GALNT18: variants seen among roughly 807,000 people sequenced by gnomAD.
GALNT18 encodes the protein GalNAc-transferase 18.
A neutral mutation model predicts 69.5 loss-of-function variants in GALNT18; 44 were observed. That is an observed-to-expected ratio of 0.63 (90% confidence interval 0.50 to 0.81). The LOEUF (loss-of-function observed/expected upper bound fraction) is 0.81, where lower values mean the gene tolerates loss of function less well. GALNT18 is among the 40% of genes least tolerant of loss of function. GALNT18 has a pLI of 0.00. For synonymous variants in GALNT18, 364 were observed against 318.2 expected, an observed-to-expected ratio of 1.14 and a Z score of -1.53; for missense variants, 715 against 810.0, an observed-to-expected ratio of 0.88 and a Z score of 1.42.
chr11:11,412,748 G>A (rs1196373181), intron 3 of GALNT18, among the ~76,000 whole-genome samples: 1 of 152,210 alleles, frequency 6.6e-6, no homozygotes, highest in African/African-American at 2.4e-5. Flanking sequence ...TATCCTTGGA[G>A]CCTCCTTTCT....
intron 7 of GALNT18, among the ~76,000 whole-genome samples, chr11:11,334,000 T>A (rs1262825362): frequency 6.6e-6 from 1 of 151,906 alleles, no homozygotes; most frequent in African/African-American, 2.4e-5. Context: ...AGATGGGGCA[T>A]GTGGCATCCC....
chr11:11,288,712 C>T (rs751295440), intron 10 of GALNT18, among the ~76,000 whole-genome samples: 3 of 152,178 alleles, frequency 2.0e-5, no homozygotes, highest in Admixed American at 6.5e-5. Flanking sequence ...TTCTCAGTGT[C>T]AGTATCTAAC....
At chr11:11,560,301 A>G (rs1163571722) in intron 1 of GALNT18, among the ~76,000 whole-genome samples, 2 of 152,032 alleles carry the variant, frequency 1.3e-5, no homozygotes, top group Admixed American at 6.6e-5. Flanking sequence ...TTGGGATTCA[A>G]TAGAACAGGA....
Position 11,340,823 on chromosome 11 carries a change from T to C in GALNT18, c.1274A>G (p.Gln425Arg). 1 of 1,607,088 alleles carries C rather than the reference T, an allele frequency of 6.2e-7. No homozygotes were observed. The highest frequency in any genetic ancestry group is 2.2e-5 in the East Asian group (1 of 44,610). ...SHVYMAWNIPQEDSGIDIGDI... is the reference protein window; with the variant it reads ...SHVYMAWNIPREDSGIDIGDI... ...ATCCCTACCGGAGATCCCTACCTCC[T>C]GCGGTATGTTCCATGCCATGTAGAC... is the stretch of plus-strand genomic sequence containing the variant. The change falls in exon 7 of 11, where the codon CAG becomes CGG. Residue 425 changes from glutamine to arginine, a missense_variant. By Grantham distance (43) the Gln-to-Arg change is conservative. Transcript: ENST00000227756. The surrounding 1 kb of genome is among the most constrained non-coding windows in gnomAD (Gnocchi z 4.2).
At chr11:11,295,046 G>A (rs1286532035) in intron 9 of GALNT18, among the ~76,000 whole-genome samples, 2 of 152,222 alleles carry the variant, frequency 1.3e-5, no homozygotes, top group East Asian at 1.9e-4. Flanking sequence ...TTTAGCAAAA[G>A]AGGGTGGTTG....
intron 3 of GALNT18, among the ~76,000 whole-genome samples, chr11:11,393,538 G>A (rs1157933968): frequency 3.9e-5 from 6 of 152,278 alleles, no homozygotes; most frequent in African/African-American, 7.2e-5. Context: ...CCCAGGCCAT[G>A]TGGGCTTCCT....
chr11:11,297,744 C>G (rs963741639), intron 9 of GALNT18, among the ~76,000 whole-genome samples: 10 of 152,124 alleles, frequency 6.6e-5, no homozygotes, highest in African/African-American at 1.7e-4. Flanking sequence ...TCTTACAAAC[C>G]CCCGGGGCAG....
rs1043969794 is a variant in GALNT18, at chr11:11,555,751, G to C, written c.235+65608C>G. ...ACCTCCCTCAGCCAGAACCTCCTCAGATCAGGGGCCTCCTCAGGTAAGCCC... is the reference window on the plus strand; with the variant it reads ...ACCTCCCTCAGCCAGAACCTCCTCACATCAGGGGCCTCCTCAGGTAAGCCC... On this transcript the variant is annotated intron_variant, in intron 1 of 10. Coordinates refer to ENST00000227756, the MANE Select transcript of GALNT18 (RefSeq NM_198516.3). This position sits in a 1 kb window ranked among gnomAD's most constrained non-coding sequence, Gnocchi z 4.7. 6.6e-6 allele frequency among the ~76,000 whole-genome samples: 1 copy of C among 152,170 alleles called. No homozygotes were observed. Among genetic ancestry groups the C allele is most frequent in the Admixed American group, 6.6e-5 (1 of 15,266 alleles).
At chr11:11,293,858 T>A (rs1465838420) in intron 9 of GALNT18, among the ~76,000 whole-genome samples, 1 of 152,188 alleles carries the variant, frequency 6.6e-6, no homozygotes, top group Non-Finnish European at 1.5e-5. Flanking sequence ...ATACTGTGCT[T>A]TGTCAGAGTA....
At chr11:11,280,360 C>T (rs1849045937) in intron 10 of GALNT18, among the ~76,000 whole-genome samples, 1 of 152,266 alleles carries the variant, frequency 6.6e-6, no homozygotes, top group Admixed American at 6.5e-5. Flanking sequence ...TCTCACATGC[C>T]TAATGGCCTC....
At chr11:11,322,739 T>C (rs1849859075) in intron 9 of GALNT18, among the ~76,000 whole-genome samples, 1 of 152,196 alleles carries the variant, frequency 6.6e-6, no homozygotes, top group African/African-American at 2.4e-5. Context: ...GTTTGGCAGT[T>C]TATTAGTTGG....
chr11:11,306,223 ATG>A (rs1849575825), intron 9 of GALNT18, among the ~76,000 whole-genome samples: 1 of 137,636 alleles, frequency 7.3e-6, no homozygotes, highest in Non-Finnish European at 1.7e-5. Flanking sequence ...CTGTGTGTGC[ATG>A]TGTGTGTGTA....
intron 1 of GALNT18, among the ~76,000 whole-genome samples, chr11:11,568,036 CAG>C (rs1286999003): frequency 1.3e-5 from 2 of 152,196 alleles, no homozygotes; most frequent in African/African-American, 4.8e-5. Flanking sequence ...TTTTGGCCAA[CAG>C]AGTGTGAGCA....
intron 1 of GALNT18, among the ~76,000 whole-genome samples, chr11:11,565,075 G>T (rs531904367): frequency 6.6e-6 from 1 of 152,342 alleles, no homozygotes; most frequent in East Asian, 1.9e-4. Flanking sequence ...TGACTGGAAA[G>T]GGGCTGTGGA....
Position 11,461,076 on chromosome 11 carries a change from C to T in GALNT18, c.236-12140G>A, listed in dbSNP as rs190842396. On this transcript the variant is annotated intron_variant, in intron 1 of 10. Coordinates refer to ENST00000227756, the MANE Select transcript of GALNT18 (RefSeq NM_198516.3). This position sits in a 1 kb window ranked among gnomAD's most constrained non-coding sequence, Gnocchi z 4.1. ...GCAAAAGACCAGAGTCAGTTCAGTCCGGGCTGACATGGCAGACAAAGGACA... is the reference window on the plus strand; with the variant it reads ...GCAAAAGACCAGAGTCAGTTCAGTCTGGGCTGACATGGCAGACAAAGGACA... Among the ~76,000 whole-genome samples, 240 of 152,238 alleles carry T rather than the reference C, an allele frequency of 1.6e-3. No homozygotes were observed. The highest frequency in any genetic ancestry group is 2.7e-3 in the South Asian group (13 of 4,820).
rs1041720082 is a variant in GALNT18, at chr11:11,613,093, G to C, written c.235+8266C>G. 6.6e-6 allele frequency among the ~76,000 whole-genome samples: 1 copy of C among 152,158 alleles called. No individual in the cohort carries two copies. The highest frequency in any genetic ancestry group is 1.5e-5 in the Non-Finnish European group (1 of 68,034). On this transcript the variant is annotated intron_variant, in intron 1 of 10. Transcript: ENST00000227756. The surrounding 1 kb of genome is among the most constrained non-coding windows in gnomAD (Gnocchi z 4.2). ...AAATTGAATGTCAGGCAGTGAAAGA[G>C]AACTACATCTCAGTACTGCATCCCC...
At chr11:11,367,713 G>C (rs1850803695) in intron 6 of GALNT18, among the ~76,000 whole-genome samples, 1 of 152,176 alleles carries the variant, frequency 6.6e-6, no homozygotes, top group South Asian at 2.1e-4. Flanking sequence ...TGAATTTAAA[G>C]CATAATAAAT....
rs902473635 is a variant in GALNT18, at chr11:11,439,261, G to A, written c.429-6474C>T. Among the ~76,000 whole-genome samples, 7 of 152,212 alleles carry A rather than the reference G, an allele frequency of 4.6e-5. No homozygotes were observed. Among genetic ancestry groups the A allele is most frequent in the African/African-American group, 1.7e-4 (7 of 41,460 alleles). ...AGTCACTGTTAGAAACACAGCAGAAGTGGGGCAAAGAGGATGGCAGGCTGG... is the reference window on the plus strand; with the variant it reads ...AGTCACTGTTAGAAACACAGCAGAAATGGGGCAAAGAGGATGGCAGGCTGG... On this transcript the variant is annotated intron_variant, in intron 2 of 10. Coordinates refer to ENST00000227756, the MANE Select transcript of GALNT18 (RefSeq NM_198516.3). This position sits in a 1 kb window ranked among gnomAD's most constrained non-coding sequence, Gnocchi z 4.4.
At chr11:11,599,159 C>T (rs183020128) in intron 1 of GALNT18, among the ~76,000 whole-genome samples, 1 of 152,044 alleles carries the variant, frequency 6.6e-6, no homozygotes, top group Non-Finnish European at 1.5e-5. Context: ...AGTACATCTG[C>T]CTAATTGTTC....
Sources: gnomAD v4.1 joint callset for allele counts (sites outside exome capture counted in the v4.1 genomes callset) on GRCh38, gnomAD v4.1.1 for gene constraint, Gnocchi (gnomAD v3.1) non-coding constraint, MANE v1.5 for transcripts, NCBI Gene and HGNC (gene_info 2026-07-23, HGNC 2026-07-21) for gene names.